The following GPC6 variants were observed in gnomAD, a reference collection of about 807,000 sequenced individuals.
GPC6 encodes the protein glypican 6.
In GPC6, 14 loss-of-function variants were observed where a neutral mutation model predicts 55.2. The ratio of observed to expected loss-of-function variants is 0.25; its 90% CI spans 0.17 to 0.40. The LOEUF is 0.40. Ranked by LOEUF, GPC6 falls within the 10% of genes least tolerant of loss-of-function variation. The probability of loss-of-function intolerance (pLI) is 1.00; values close to 1 mark genes in which losing one functional copy is unlikely to be tolerated. For missense variants in GPC6, 641 were observed against 708.5 expected (o/e 0.90, Z 1.08); for synonymous variants, 278 against 259.6 (o/e 1.07, Z -0.68).
intron 3 of GPC6, among the ~76,000 whole-genome samples, chr13:94,007,225 T>A (rs758324635): frequency 3.3e-5 from 5 of 152,196 alleles, no homozygotes; most frequent in Non-Finnish European, 5.9e-5. Context: ...AACTAAGTAC[T>A]CAGATCACTC....
chr13:93,989,869 A>G (rs917341428), intron 3 of GPC6, among the ~76,000 whole-genome samples: 1 of 150,806 alleles, frequency 6.6e-6, no homozygotes, highest in Admixed American at 6.7e-5. Flanking sequence ...TTTTCCACAG[A>G]ACTAAACTTT....
intron 2 of GPC6, among the ~76,000 whole-genome samples, chr13:93,672,658 C>T (rs1255753101): frequency 6.7e-6 from 1 of 148,898 alleles, no homozygotes; most frequent in Non-Finnish European, 1.5e-5. Flanking sequence ...ATATATATGC[C>T]ATATATATAT....
rs71126408 is a variant in GPC6 at position 93,667,735 on chromosome 13, G to GTTTTTTTTTTTTTTTT, written c.319+122327_319+122328insTTTTTTTTTTTTTTTT. Among the ~76,000 whole-genome samples the GTTTTTTTTTTTTTTTT allele has an allele frequency of 1.1e-4, 13 of 123,114 alleles. 1 individual carries two copies. Among genetic ancestry groups the GTTTTTTTTTTTTTTTT allele is most frequent in the African/African-American group, 2.6e-4 (7 of 26,986 alleles). The allele number at this position is 123,114 out of a possible 152,430, so 80.8% of individuals were successfully genotyped here. A position where few individuals can be genotyped will look rare whatever the true frequency, so the allele number is the denominator to read the frequency against. ...AAACCACCACACCCAGCCAGGACTTGTTTTTTTTTTTTTCTGTCAAATTTG... is the reference window on the plus strand; with the variant it reads ...AAACCACCACACCCAGCCAGGACTTGTTTTTTTTTTTTTTTTTTTTTTTTTTTTTCTGTCAAATTTG... On this transcript the variant is annotated intron_variant, in intron 2 of 8. Coordinates refer to ENST00000377047, the MANE Select transcript of GPC6 (RefSeq NM_005708.5).
In GPC6 at chr13:93,300,788, C is replaced by T. The variant is rs540710912; in HGVS notation, c.160+73172C>T. Among the ~76,000 whole-genome samples the T allele has an allele frequency of 1.5e-3, 234 of 151,814 alleles. 1 individual carries two copies. Among genetic ancestry groups the T allele is most frequent in the Middle Eastern group, 6.8e-3 (2 of 292 alleles). ...TAATCCCAGCACTTTGGGAGGCCAA[C>T]GCAGGAGGATCACATGAGGTCAGGA... On this transcript the variant is annotated intron_variant, in intron 1 of 8. Coordinates refer to ENST00000377047, the MANE Select transcript of GPC6 (RefSeq NM_005708.5).
At chr13:94,015,649 TC>T (rs1401845802) in intron 3 of GPC6, among the ~76,000 whole-genome samples, 2 of 152,300 alleles carry the variant, frequency 1.3e-5, no homozygotes, top group East Asian at 3.9e-4. Context: ...AGGTCATAGA[TC>T]CATTTAGAGT....
At chr13:93,462,507 C>T (rs187692155) in intron 1 of GPC6, among the ~76,000 whole-genome samples, 25 of 151,542 alleles carry the variant, frequency 1.6e-4, no homozygotes, top group Non-Finnish European at 2.4e-4. Flanking sequence ...TTTTAAAAAG[C>T]GGTCATTCTT....
chr13:93,946,958 C>T (rs1240304517), intron 3 of GPC6, among the ~76,000 whole-genome samples: 1 of 151,816 alleles, frequency 6.6e-6, no homozygotes, highest in Non-Finnish European at 1.5e-5. Context: ...TGTTAGCACT[C>T]TCTAGAAATT....
At chr13:93,765,310 T>TAAGCTCTCTGGAAAGACAAC (rs1361108806) in intron 2 of GPC6, among the ~76,000 whole-genome samples, 1 of 38,418 alleles carries the variant, frequency 2.6e-5, no homozygotes, top group Non-Finnish European at 5.4e-5. Flanking sequence ...AGACAACTTA[T>TAAGCTCTCTGGAAAGACAAC]TTGGTTTAAG....
intron 1 of GPC6, among the ~76,000 whole-genome samples, chr13:93,354,007 T>C (rs1421766605): frequency 6.6e-6 from 1 of 152,236 alleles, no homozygotes; most frequent in Non-Finnish European, 1.5e-5. Context: ...TCCAAGGAAC[T>C]GATTTGGTAA....
intron 2 of GPC6, among the ~76,000 whole-genome samples, chr13:93,717,590 T>C (rs895888926): frequency 6.6e-6 from 1 of 151,674 alleles, no homozygotes; most frequent in Non-Finnish European, 1.5e-5. Flanking sequence ...ACTCAGTTTA[T>C]GGAAAACAAC....
chr13:93,677,293 C>T (rs1053668129), intron 2 of GPC6, among the ~76,000 whole-genome samples: 3 of 152,024 alleles, frequency 2.0e-5, no homozygotes, highest in Admixed American at 1.3e-4. Context: ...GTGTATCGTT[C>T]TTCTTATAAG....
chr13:94,119,649 T>C (rs1387935575), intron 4 of GPC6, among the ~76,000 whole-genome samples: 3 of 152,038 alleles, frequency 2.0e-5, no homozygotes, highest in Non-Finnish European at 4.4e-5. Context: ...CCCCCTGGAG[T>C]TGTGCAATGA....
intron 4 of GPC6, among the ~76,000 whole-genome samples, chr13:94,145,154 T>TGGAG (rs1007397402): frequency 4.1e-5 from 5 of 123,118 alleles, no homozygotes; most frequent in African/African-American, 1.4e-4. Context: ...GATGGATGGA[T>TGGAG]GGATGGATGG....
intron 3 of GPC6, among the ~76,000 whole-genome samples, chr13:93,831,963 G>A (rs1158023482): frequency 2.7e-5 from 4 of 148,426 alleles, no homozygotes; most frequent in East Asian, 2.0e-4. Context: ...GGTGGTGGGC[G>A]CCTGTAGTCC....
intron 4 of GPC6, among the ~76,000 whole-genome samples, chr13:94,028,117 A>C (rs915330600): frequency 1.3e-5 from 2 of 152,056 alleles, no homozygotes; most frequent in African/African-American, 4.8e-5. Context: ...AATAAAAAAT[A>C]AGCTGGGCGT....
At chr13:93,856,945 C>G (rs1888638160) in intron 3 of GPC6, among the ~76,000 whole-genome samples, 1 of 151,612 alleles carries the variant, frequency 6.6e-6, no homozygotes, top group Admixed American at 6.6e-5. Context: ...ATAGCAGTAA[C>G]TACCTTTTCT....
intron 3 of GPC6, among the ~76,000 whole-genome samples, chr13:94,000,151 T>A (rs529380090): frequency 2.0e-5 from 3 of 152,160 alleles, no homozygotes; most frequent in Non-Finnish European, 4.4e-5. Flanking sequence ...TCTTTGTGGC[T>A]CCTACTCACT....
chr13:94,228,503 T>G (rs1890622782), intron 4 of GPC6, among the ~76,000 whole-genome samples: 1 of 152,112 alleles, frequency 6.6e-6, no homozygotes, highest in East Asian at 1.9e-4. Flanking sequence ...TCTTATGCCT[T>G]TACATGAGAT....
At chr13:93,953,323 T>C (rs1187200574) in intron 3 of GPC6, among the ~76,000 whole-genome samples, 7 of 152,170 alleles carry the variant, frequency 4.6e-5, no homozygotes. Flanking sequence ...CATATTGTCA[T>C]CTTTATCATC....
Sources: gnomAD v4.1 joint callset for allele counts (sites outside exome capture counted in the v4.1 genomes callset) on GRCh38, gnomAD v4.1.1 for gene constraint, MANE v1.5 for transcripts, NCBI Gene and HGNC (gene_info 2026-07-23, HGNC 2026-07-21) for gene names.